The following PDGFRA variants were observed in gnomAD, a reference collection of about 807,000 sequenced individuals.
PDGFRA encodes the protein platelet derived growth factor receptor alpha, also known as platelet-derived growth factor receptor alpha.
In PDGFRA, 25 loss-of-function variants were observed where a neutral mutation model predicts 121.5. The ratio of observed to expected loss-of-function variants is 0.21; its 90% CI spans 0.15 to 0.29. The LOEUF (loss-of-function observed/expected upper bound fraction) is 0.29, where lower values mean the gene tolerates loss of function less well. Ranked by LOEUF, PDGFRA falls within the 10% of genes least tolerant of loss-of-function variation. PDGFRA has a pLI of 1.00. For synonymous variants in PDGFRA, 463 were observed against 494.8 expected (o/e 0.94, Z 0.85); for missense variants, 1,008 against 1,345.1 (o/e 0.75, Z 3.92).
At chr4:54,264,633 C>T (rs889164994) in intron 4 of PDGFRA, 7 of 364,796 alleles carry the variant, frequency 1.9e-5, no homozygotes, top group South Asian at 4.9e-5. Flanking sequence ...AGATTGTGGA[C>T]GAGTATAACC....
intron 16 of PDGFRA, among the ~76,000 whole-genome samples, chr4:54,282,176 G>A (rs1027724582): frequency 6.6e-6 from 1 of 152,136 alleles, no homozygotes; most frequent in Non-Finnish European, 1.5e-5. Flanking sequence ...GTGTGTGCGT[G>A]TATGTCTCTG....
At chr4:54,270,803 G>T in intron 8 of PDGFRA, 55 bp downstream of exon 8, 1 of 1,006,028 alleles carries the variant, frequency 9.9e-7, no homozygotes. Context: ...TGTCTTCCAA[G>T]GAAAGCCTGG....
intron 1 of PDGFRA, among the ~76,000 whole-genome samples, chr4:54,256,326 C>T (rs1428374605): frequency 6.6e-6 from 1 of 152,082 alleles, no homozygotes; most frequent in African/African-American, 2.4e-5. Flanking sequence ...ACTTCTACCT[C>T]AGGGGTTCAA....
intron 1 of PDGFRA, among the ~76,000 whole-genome samples, chr4:54,237,710 A>G (rs1018486508): frequency 6.6e-6 from 1 of 152,246 alleles, no homozygotes; most frequent in Non-Finnish European, 1.5e-5. Context: ...GCCATCAGCC[A>G]GCCAGCATTG....
chr4:54,273,669 G>C lies in PDGFRA; in HGVS notation c.1497G>C (p.Val499=), dbSNP rs1401477587. The change falls in exon 10 of 23, where the codon GTG becomes GTC. Residue 499 remains valine, a synonymous_variant. Transcript: ENST00000257290. ...CCAAAGTGGAGGAGACCATCGCCGT[G>C]CGATGCCTGGCTAAGAATCTCCTTG... ...TFAKVEETIA[V]RCLAKNLLGA... is the part of the protein sequence containing the mutation. 1 of 1,614,104 alleles carries C rather than the reference G, an allele frequency of 6.2e-7. No homozygotes were observed. Among genetic ancestry groups the C allele is most frequent in the East Asian group, 2.2e-5 (1 of 44,868 alleles).
chr4:54,296,706 A>C lies in PDGFRA; in HGVS notation c.*1434A>C. The C allele has an allele frequency of 4.3e-6, 1 of 232,714 alleles. No homozygotes were observed. The highest frequency in any genetic ancestry group is 6.0e-5 in the East Asian group (1 of 16,532). 14.4% of individuals were successfully genotyped at this position (232,714 alleles called of 1,614,324 possible). On this transcript the variant is annotated 3_prime_UTR_variant, in exon 23 of 23. Coordinates refer to ENST00000257290, the MANE Select transcript of PDGFRA (RefSeq NM_006206.6). ...AACTCCCTGGCTGTTCTGATCGGCC[A>C]GTTTTCGGAAACACTGACTTAGGTT...
chr4:54,257,592 C>CCAG (rs1019043185), intron 1 of PDGFRA, among the ~76,000 whole-genome samples: 1 of 152,102 alleles, frequency 6.6e-6, no homozygotes, highest in Non-Finnish European at 1.5e-5. Context: ...GGGGCTCTGC[C>CCAG]CAGGCCCCTC....
intron 1 of PDGFRA, among the ~76,000 whole-genome samples, chr4:54,248,296 C>T (rs1281705056): frequency 7.9e-5 from 12 of 152,178 alleles, no homozygotes; most frequent in East Asian, 1.9e-4. Context: ...GGAGGCATCA[C>T]GCTACCTGAC....
chr4:54,230,956 C>T (rs1012168834), intron 1 of PDGFRA, among the ~76,000 whole-genome samples: 1 of 152,198 alleles, frequency 6.6e-6, no homozygotes, highest in Non-Finnish European at 1.5e-5. Flanking sequence ...CAGGTCGGAG[C>T]GACGAGTGTG....
chr4:54,234,967 A>G (rs1396737837), intron 1 of PDGFRA, among the ~76,000 whole-genome samples: 1 of 152,132 alleles, frequency 6.6e-6, no homozygotes, highest in Non-Finnish European at 1.5e-5. Context: ...CCCTCCCATT[A>G]CTGGAATGTC....
Position 54,272,453 on chromosome 4 carries a change from G to A in PDGFRA, c.1297G>A (p.Val433Met), listed in dbSNP as rs1377684828. The change falls in exon 9 of 23, where the codon GTG (valine) becomes ATG (methionine). Residue 433 changes from valine (V) to methionine (M), a missense_variant. Val to Met is a conservative substitution (Grantham distance 21). This residue lies in a region of PDGFRA where 575 missense variants were observed against 701.8 expected (regional missense o/e 0.82). Coordinates refer to ENST00000257290, the MANE Select transcript of PDGFRA (RefSeq NM_006206.6). ...CCATGGCTCAACTGGGGGACAGACG[G>A]TGAGGTGCACAGCTGAAGGCACGCC... Reference protein sequence around the residue: ...DHHGSTGGQTVRCTAEGTPLP... With the variant: ...DHHGSTGGQTMRCTAEGTPLP... The A allele has an allele frequency of 1.2e-6, 2 of 1,613,944 alleles. No individual in the cohort carries two copies. Among genetic ancestry groups the A allele is most frequent in the Non-Finnish European group, 1.7e-6 (2 of 1,179,858 alleles).
At chr4:54,275,043 T>C in intron 12 of PDGFRA, 70 bp downstream of exon 12, 1 of 1,326,142 alleles carries the variant, frequency 7.5e-7, no homozygotes, top group South Asian at 1.2e-5. Flanking sequence ...TTATAGGCCT[T>C]GGCAGAATAG....
chr4:54,277,866 G>A (rs2110310509), intron 13 of PDGFRA, 30 bp from the exon 14 acceptor site: 1 of 1,426,596 alleles, frequency 7.0e-7, no homozygotes, highest in Non-Finnish European at 9.9e-7. Context: ...TAGCTCAGCT[G>A]GACTGATATG....
At chr4:54,276,137 C>A (rs1271266174) in intron 12 of PDGFRA, among the ~76,000 whole-genome samples, 1 of 151,992 alleles carries the variant, frequency 6.6e-6, no homozygotes, top group Non-Finnish European at 1.5e-5. Flanking sequence ...GGGGCCCCTA[C>A]CTAGGAACTG....
chr4:54,285,790 A>AT, intron 17 of PDGFRA, 51 bp from the exon 18 acceptor site: 1 of 1,320,390 alleles, frequency 7.6e-7, no homozygotes, highest in Non-Finnish European at 1.1e-6. Flanking sequence ...GGGTGATGCT[A>AT]TTCAGCTACA....
At position 54,296,367 on chromosome 4, in the gene PDGFRA, GTTTTT is replaced by G; in HGVS notation, c.*1107_*1111del. 1.4e-5 allele frequency: 3 copies of G among 210,726 alleles called. No homozygotes were observed. The highest frequency in any genetic ancestry group is 7.1e-5 in the East Asian group (1 of 14,004). The allele number at this position is 210,726 out of a possible 1,614,324, so 13.1% of individuals were successfully genotyped here. ...CAGCAAAAAGACTGGATTTGCAGAA[GTTTTT>G]TTTTTTTTTTTCTTCATGCCTGATG... is the stretch of plus-strand genomic sequence containing the variant. On this transcript the variant is annotated 3_prime_UTR_variant, in exon 23 of 23. Transcript: ENST00000257290.
chr4:54,280,587 C>A lies in PDGFRA; in HGVS notation c.2323+105C>A, dbSNP rs1547905. The A allele has an allele frequency of 0.14, 131,277 of 908,844 alleles. 10,842 individuals are homozygous for A. The highest frequency in any genetic ancestry group is 0.26 in the Admixed American group (12,952 of 50,592). The allele number at this position is 908,844 out of a possible 1,614,324, so 56.3% of individuals were successfully genotyped here. A position where few individuals can be genotyped will look rare whatever the true frequency, so the allele number is the denominator to read the frequency against. On this transcript the variant is annotated intron_variant, in intron 16 of 22. Coordinates refer to ENST00000257290, the MANE Select transcript of PDGFRA (RefSeq NM_006206.6). ...GTATAGGGATGGTAAGTGAACCTGG[C>A]AGCCCACGTGGTCTCTAAATGCAGG...
rs1164619605 is a variant in PDGFRA at position 54,285,826 on chromosome 4, TC to T, written c.2440-13del. ...GATGGCTTGATCCTGAGTCATTTCT[TC>T]CTTTTCCATGCAGTGTGTCCACCGT... On this transcript the variant is annotated splice_polypyrimidine_tract_variant and intron_variant, in intron 17 of 22. Transcript: ENST00000257290. The T allele has an allele frequency of 6.2e-7, 1 of 1,613,902 alleles. No homozygotes were observed. Among genetic ancestry groups the T allele is most frequent in the Admixed American group, 1.7e-5 (1 of 60,012 alleles).
chr4:54,248,746 A>C (rs987810095), intron 1 of PDGFRA, among the ~76,000 whole-genome samples: 5 of 152,240 alleles, frequency 3.3e-5, no homozygotes, highest in Admixed American at 1.3e-4. Flanking sequence ...GAGCTTCTGC[A>C]CAGTGAAAGA....
Sources: allele counts gnomAD v4.1 joint callset (sites outside exome capture counted in the v4.1 genomes callset), GRCh38; gene constraint gnomAD v4.1.1; regional missense constraint gnomAD v4.1.1; transcripts MANE v1.5; gene names NCBI Gene and HGNC (gene_info 2026-07-23, HGNC 2026-07-21).